The following C19orf18 variants were observed in gnomAD, a reference collection of about 807,000 sequenced individuals.
C19orf18 encodes chromosome 19 open reading frame 18, also known as uncharacterized protein C19orf18.
A neutral mutation model predicts 23.3 loss-of-function variants in C19orf18; 21 were observed. The ratio of observed to expected loss-of-function variants is 0.90; its 90% CI spans 0.64 to 1.30. The LOEUF is 1.30. C19orf18 is among the 50% of genes most tolerant of loss of function. The probability of loss-of-function intolerance (pLI) is 0.00; values close to 1 mark genes in which losing one functional copy is unlikely to be tolerated. For missense variants in C19orf18, 249 were observed against 259.6 expected (o/e 0.96, Z 0.28); for synonymous variants, 96 against 95.2 (o/e 1.01, Z -0.05).
intron 3 of C19orf18, among the ~76,000 whole-genome samples, chr19:57,970,514 A>G (rs2072937312): frequency 6.6e-6 from 1 of 152,094 alleles, no homozygotes; most frequent in Non-Finnish European, 1.5e-5. Context: ...TATTTGTCGA[A>G]CTTCATTATT....
chr19:57,966,669 G>T, intron 3 of C19orf18, 37 bp from the exon 4 acceptor site: 1 of 1,424,792 alleles, frequency 7.0e-7, no homozygotes, highest in Non-Finnish European at 9.8e-7. Context: ...GCTCAAAAAT[G>T]TTCATTTTAG....
At chr19:57,968,517 CT>C (rs1303803916) in intron 3 of C19orf18, among the ~76,000 whole-genome samples, 1 of 152,016 alleles carries the variant, frequency 6.6e-6, no homozygotes, top group Non-Finnish European at 1.5e-5. Flanking sequence ...TGGATACTGT[CT>C]TTTAACTGCT....
chr19:57,967,083 CA>C (rs77176523), intron 3 of C19orf18, among the ~76,000 whole-genome samples: 5,923 of 115,600 alleles, frequency 0.051, 151 homozygotes, highest in African/African-American at 0.11. Flanking sequence ...AACTCCGTCT[CA>C]AAAAAAAAAA....
intron 3 of C19orf18, among the ~76,000 whole-genome samples, chr19:57,969,277 C>A (rs1313504482): frequency 1.3e-5 from 2 of 152,144 alleles, no homozygotes; most frequent in Non-Finnish European, 2.9e-5. Context: ...TAATTGCCAG[C>A]CGGTTGCGGT....
At chr19:57,963,108 C>A (rs999427700) in intron 4 of C19orf18, among the ~76,000 whole-genome samples, 1 of 150,164 alleles carries the variant, frequency 6.7e-6, no homozygotes, top group East Asian at 2.0e-4. Context: ...CTCACCACAA[C>A]CTCCACCTCC....
chr19:57,959,237 C>T (rs1311537371), intron 5 of C19orf18, among the ~76,000 whole-genome samples: 2 of 152,176 alleles, frequency 1.3e-5, no homozygotes, highest in Non-Finnish European at 2.9e-5. Context: ...ACCTATAATC[C>T]CAGCACTTTG....
At chr19:57,969,202 G>A (rs926772295) in intron 3 of C19orf18, among the ~76,000 whole-genome samples, 7 of 152,042 alleles carry the variant, frequency 4.6e-5, no homozygotes, top group Non-Finnish European at 1.0e-4. Flanking sequence ...TGCATGTCTG[G>A]GAGTCTTGCC....
At chr19:57,971,707 G>A (rs2072945665) in intron 3 of C19orf18, among the ~76,000 whole-genome samples, 1 of 152,122 alleles carries the variant, frequency 6.6e-6, no homozygotes, top group Non-Finnish European at 1.5e-5. Flanking sequence ...GTGACCTCAA[G>A]TGATTCATCC....
rs760122706 is a variant in C19orf18, at chr19:57,961,504, T to C, written c.419A>G (p.Lys140Arg). Residue 140 changes from lysine (K) to arginine (R), a missense_variant, in exon 5 of 6, where the codon AAG becomes AGG. Lys to Arg is a conservative substitution (Grantham distance 26). Transcript: ENST00000314391. The stretch of plus-strand genomic sequence containing the variant: ...TCCTAATAACGGTATCCTGAGGTTC[T>C]TATAAAGTGACTCGAGCTGTTGTCT... ...EERQQLESLY[K>R]NLRIPLLGDE... 1 of 1,614,156 alleles carries C rather than the reference T, an allele frequency of 6.2e-7. No individual in the cohort carries two copies. The highest frequency in any genetic ancestry group is 8.5e-7 in the Non-Finnish European group (1 of 1,180,014).
chr19:57,966,690 C>A (rs575359579), intron 3 of C19orf18, 58 bp from the exon 4 acceptor site: 1 of 1,182,376 alleles, frequency 8.5e-7, no homozygotes, highest in African/African-American at 1.5e-5. Context: ...CTATGTCTTT[C>A]AGTTAATATA....
intron 4 of C19orf18, among the ~76,000 whole-genome samples, chr19:57,962,228 C>T (rs1285880834): frequency 1.3e-5 from 2 of 151,504 alleles, no homozygotes; most frequent in African/African-American, 2.4e-5. Context: ...TTAGAAATTG[C>T]GTCTTGCTAT....
intron 4 of C19orf18, among the ~76,000 whole-genome samples, chr19:57,965,299 T>C (rs1325502681): frequency 1.3e-5 from 2 of 152,014 alleles, no homozygotes; most frequent in Non-Finnish European, 2.9e-5. Flanking sequence ...TACGCCCAGC[T>C]AATTTTTGTA....
At chr19:57,961,968 T>G (rs981241514) in intron 4 of C19orf18, among the ~76,000 whole-genome samples, 1 of 150,096 alleles carries the variant, frequency 6.7e-6, no homozygotes, top group Non-Finnish European at 1.5e-5. Context: ...TTCTTTCCCT[T>G]TCTCTCTCTC....
At chr19:57,973,947 A>G (rs1422463800) in intron 2 of C19orf18, 152 bp downstream of exon 2, 13 of 723,960 alleles carry the variant, frequency 1.8e-5, no homozygotes, top group Non-Finnish European at 2.5e-5. Context: ...AGTGAAGAGC[A>G]TAAGATCTAA....
intron 3 of C19orf18, among the ~76,000 whole-genome samples, chr19:57,969,182 G>A (rs981355297): frequency 1.3e-5 from 2 of 152,086 alleles, no homozygotes; most frequent in African/African-American, 4.8e-5. Flanking sequence ...TTTCCTTCAT[G>A]AAGATCATTT....
Position 57,974,355 on chromosome 19 carries a change from A to G in C19orf18, c.78T>C (p.Tyr26=). The change falls in exon 1 of 6, where the codon TAT becomes TAC. Residue 26 remains tyrosine (Y), a synonymous_variant. Transcript: ENST00000314391. The stretch of plus-strand genomic sequence containing the variant: ...TTCCAGTGGGATGGAGTCCATCTGC[A>G]TACGGCAAGCATAAATGAAGTTGGC... The part of the protein sequence containing the change: ...MECQLHLCLP[Y]ADGLHPTGNI... The G allele has an allele frequency of 6.2e-7, 1 of 1,614,194 alleles. No homozygotes were observed. Among genetic ancestry groups the G allele is most frequent in the Non-Finnish European group, 8.5e-7 (1 of 1,180,016 alleles).
At chr19:57,959,145 ACTCT>A (rs1392463844) in intron 5 of C19orf18, among the ~76,000 whole-genome samples, 3 of 151,918 alleles carry the variant, frequency 2.0e-5, no homozygotes, top group Admixed American at 6.6e-5. Flanking sequence ...CACACACTAC[ACTCT>A]CTATAGTTTT....
At chr19:57,960,688 G>A (rs1249684873) in intron 5 of C19orf18, among the ~76,000 whole-genome samples, 1 of 152,172 alleles carries the variant, frequency 6.6e-6, no homozygotes, top group African/African-American at 2.4e-5. Flanking sequence ...ACGGAAACAT[G>A]TTTTGTGCTG....
intron 3 of C19orf18, among the ~76,000 whole-genome samples, chr19:57,967,383 A>G (rs1382593224): frequency 6.6e-6 from 1 of 152,192 alleles, no homozygotes; most frequent in Non-Finnish European, 1.5e-5. Flanking sequence ...ATGGGAATGA[A>G]AGAGTGAATC....
Sources: gnomAD v4.1 joint callset for allele counts (sites outside exome capture counted in the v4.1 genomes callset) on GRCh38, gnomAD v4.1.1 for gene constraint, MANE v1.5 for transcripts, NCBI Gene and HGNC (gene_info 2026-07-23, HGNC 2026-07-21) for gene names.